SCEL: variants seen among roughly 807,000 people sequenced by gnomAD.
The protein encoded by SCEL is sciellin.
A neutral mutation model predicts 117.6 loss-of-function variants in SCEL; 113 were observed. That is an observed-to-expected ratio of 0.96 (90% CI 0.83 to 1.12). The LOEUF (loss-of-function observed/expected upper bound fraction) is 1.12, where lower values mean the gene tolerates loss of function less well. Ranked by LOEUF, SCEL falls within the 50% of genes most tolerant of loss-of-function variation. SCEL has a pLI of 0.00. For missense variants in SCEL, 785 were observed against 810.8 expected (o/e 0.97, Z 0.39); for synonymous variants, 270 against 256.2 (o/e 1.05, Z -0.51).
Position 77,604,350 on chromosome 13 carries a change from T to A in SCEL, c.1098-6T>A. On this transcript the variant is annotated splice_region_variant and splice_polypyrimidine_tract_variant and intron_variant, in intron 18 of 32. Transcript: ENST00000349847. ...CATTCATTAAAATTAATTTCCTTTT[T>A]CAAAGAAAAAAAGACCTTGATGGGC... is the stretch of plus-strand genomic sequence containing the variant. 1 of 1,538,164 alleles carries A rather than the reference T, an allele frequency of 6.5e-7. No homozygotes were observed. Among genetic ancestry groups the A allele is most frequent in the Non-Finnish European group, 8.8e-7 (1 of 1,138,598 alleles).
In SCEL at chr13:77,563,869, G is replaced by T. The variant is rs777257310; in HGVS notation, c.260G>T (p.Ser87Ile). Residue 87 changes from serine (S) to isoleucine (I), a missense_variant, in exon 5 of 33, where the codon AGT becomes ATT. By Grantham distance (142) the Ser-to-Ile change is moderately radical. Transcript: ENST00000349847. The part of the protein sequence containing the change: ...NERDVPKATI[S>I]RYSSDDTLDR... ...AGAGATGTGCCAAAAGCTACAATTA[G>T]TCGGTACAGTTCTGATGACACTTTG... The T allele has an allele frequency of 6.2e-7, 1 of 1,602,306 alleles. No individual in the cohort carries two copies. Among genetic ancestry groups the T allele is most frequent in the Admixed American group, 1.7e-5 (1 of 57,786 alleles).
At chr13:77,586,422 A>G (rs2154399542) in intron 9 of SCEL, among the ~76,000 whole-genome samples, 1 of 151,952 alleles carries the variant, frequency 6.6e-6, no homozygotes, top group Middle Eastern at 3.4e-3. Flanking sequence ...CCCCATCACA[A>G]TCACCAGTCC....
chr13:77,596,823 A>G (rs2087267533), intron 12 of SCEL, among the ~76,000 whole-genome samples: 1 of 151,934 alleles, frequency 6.6e-6, no homozygotes. Context: ...CCCCCACCCC[A>G]CCTCACCTAG....
At chr13:77,641,617 G>A (rs1277233351) in intron 31 of SCEL, among the ~76,000 whole-genome samples, 1 of 152,130 alleles carries the variant, frequency 6.6e-6, no homozygotes, top group Non-Finnish European at 1.5e-5. Context: ...ATGAATCTTA[G>A]AGGTGATTAT....
intron 5 of SCEL, among the ~76,000 whole-genome samples, chr13:77,564,921 A>G (rs1320499387): frequency 6.6e-6 from 1 of 152,214 alleles, no homozygotes; most frequent in Non-Finnish European, 1.5e-5. Flanking sequence ...CATCCTTGTC[A>G]AAAATGAGTT....
At chr13:77,595,149 C>T (rs936764656) in intron 12 of SCEL, among the ~76,000 whole-genome samples, 1 of 152,158 alleles carries the variant, frequency 6.6e-6, no homozygotes, top group Admixed American at 6.5e-5. Context: ...GTCAGAGAGG[C>T]AGTTAGTTTA....
rs144527303 is a variant in SCEL at position 77,544,383 on chromosome 13, C to T, written c.-20+8559C>T. On this transcript the variant is annotated intron_variant, in intron 1 of 32. Transcript: ENST00000349847. ...AGTTAGCAGGGAGTGGTAAAGACTTCGTGAGGTAAGCCAAGAGGCATTATG... is the reference window on the plus strand; with the variant it reads ...AGTTAGCAGGGAGTGGTAAAGACTTTGTGAGGTAAGCCAAGAGGCATTATG... Among the ~76,000 whole-genome samples, 355 of 152,202 alleles carry T rather than the reference C, an allele frequency of 2.3e-3. 2 individuals are homozygous for T. The highest frequency in any genetic ancestry group is 8.1e-3 in the African/African-American group (336 of 41,510).
At chr13:77,641,477 T>A (rs1272639387) in intron 31 of SCEL, among the ~76,000 whole-genome samples, 1 of 152,174 alleles carries the variant, frequency 6.6e-6, no homozygotes, top group Non-Finnish European at 1.5e-5. Context: ...CTGAATTACC[T>A]TGGCCTCAGT....
intron 28 of SCEL, among the ~76,000 whole-genome samples, chr13:77,632,391 C>T (rs2090066155): frequency 6.6e-6 from 1 of 152,188 alleles, no homozygotes; most frequent in South Asian, 2.1e-4. Flanking sequence ...TGAACATTTT[C>T]AAGTGATTCT....
chr13:77,542,321 A>G (rs895485053), intron 1 of SCEL, among the ~76,000 whole-genome samples: 8 of 152,182 alleles, frequency 5.3e-5, no homozygotes, highest in Non-Finnish European at 4.4e-5. Context: ...GAATAGCTTG[A>G]ACCCGGGAGG....
At chr13:77,574,167 G>A (rs947995533) in intron 9 of SCEL, among the ~76,000 whole-genome samples, 2 of 152,194 alleles carry the variant, frequency 1.3e-5, no homozygotes, top group East Asian at 1.9e-4. Context: ...TTATATAACA[G>A]TGTAAAACAT....
chr13:77,559,920 AG>A, intron 4 of SCEL, 57 bp downstream of exon 4: 1 of 1,438,140 alleles, frequency 7.0e-7, no homozygotes, highest in Non-Finnish European at 9.8e-7. Flanking sequence ...TAGTTTTCAG[AG>A]AAGACTTGTT....
chr13:77,599,461 G>A, intron 14 of SCEL, 73 bp downstream of exon 14: 2 of 1,275,288 alleles, frequency 1.6e-6, no homozygotes, highest in Non-Finnish European at 2.3e-6. Context: ...GACATTAGCT[G>A]CAAGGGGGTT....
At chr13:77,595,929 C>G (rs540033051) in intron 12 of SCEL, among the ~76,000 whole-genome samples, 6 of 152,300 alleles carry the variant, frequency 3.9e-5, no homozygotes, top group African/African-American at 1.4e-4. Context: ...GCTATAGTGT[C>G]ATCGTGCCAG....
chr13:77,560,441 A>G (rs1291492561), intron 4 of SCEL, among the ~76,000 whole-genome samples: 1 of 152,100 alleles, frequency 6.6e-6, no homozygotes, highest in Non-Finnish European at 1.5e-5. Flanking sequence ...TGTTTCTCAA[A>G]CAAACAAACA....
At chr13:77,573,132 G>A (rs2085737814) in intron 9 of SCEL, among the ~76,000 whole-genome samples, 1 of 152,190 alleles carries the variant, frequency 6.6e-6, no homozygotes, top group Non-Finnish European at 1.5e-5. Context: ...TGCTAGGAAT[G>A]CCAGCAACAA....
At chr13:77,637,725 C>T (rs1232803389) in intron 30 of SCEL, among the ~76,000 whole-genome samples, 1 of 152,120 alleles carries the variant, frequency 6.6e-6, no homozygotes, top group African/African-American at 2.4e-5. Context: ...CCATCAATCC[C>T]CCCTTCTTGT....
chr13:77,610,018 C>T (rs1675763135), intron 21 of SCEL, 29 bp from the exon 22 acceptor site: 2 of 1,518,044 alleles, frequency 1.3e-6, no homozygotes, highest in Non-Finnish European at 1.8e-6. Flanking sequence ...TTTAAATCTA[C>T]CACTGATCTG....
chr13:77,613,374 A>G (rs1308909157), intron 23 of SCEL, among the ~76,000 whole-genome samples: 1 of 152,190 alleles, frequency 6.6e-6, no homozygotes, highest in Non-Finnish European at 1.5e-5. Flanking sequence ...TATTTTTTGC[A>G]TGACATTGAA....
Sources: allele counts gnomAD v4.1 joint callset (sites outside exome capture counted in the v4.1 genomes callset), GRCh38; gene constraint gnomAD v4.1.1; transcripts MANE v1.5; gene names NCBI Gene and HGNC (gene_info 2026-07-23, HGNC 2026-07-21).